Variants in KIAA0825 observed in about 807,000 individuals in gnomAD.
KIAA0825 encodes the protein uncharacterized protein KIAA0825.
Under a neutral mutation model 147.6 loss-of-function variants are expected in KIAA0825, and 119 were observed. The ratio of observed to expected loss-of-function variants is 0.81; its 90% confidence interval spans 0.69 to 0.94. KIAA0825 has a LOEUF of 0.94. Among genes scored for constraint, KIAA0825 ranks in the 40% least tolerant of loss-of-function variants. KIAA0825 has a pLI of 0.00. For synonymous variants in KIAA0825, 470 were observed against 518.1 expected (o/e 0.91, Z 1.26); for missense variants, 1,381 against 1,472.7 (o/e 0.94, Z 1.02).
intron 1 of KIAA0825, among the ~76,000 whole-genome samples, chr5:94,603,720 G>A (rs183439374): frequency 2.0e-5 from 3 of 152,302 alleles, no homozygotes; most frequent in East Asian, 3.9e-4. Flanking sequence ...AAAATAAAGG[G>A]ATGGAGAGAA....
intron 20 of KIAA0825, among the ~76,000 whole-genome samples, chr5:94,282,709 T>C (rs1422205825): frequency 6.6e-6 from 1 of 152,096 alleles, no homozygotes; most frequent in Non-Finnish European, 1.5e-5. Context: ...TTTCTGCTGG[T>C]TACTTAACAA....
chr5:94,592,827 TATTTGTCC>T, intron 1 of KIAA0825: 1 of 503,702 alleles, frequency 2.0e-6, no homozygotes, highest in South Asian at 2.0e-5. Context: ...GGCTAAGAGC[TATTTGTCC>T]ATTCTCCTGG....
At chr5:94,332,053 T>C (rs1051623699) in intron 20 of KIAA0825, among the ~76,000 whole-genome samples, 5 of 151,272 alleles carry the variant, frequency 3.3e-5, no homozygotes, top group African/African-American at 1.2e-4. Flanking sequence ...TCCCAGCTAC[T>C]TGGGAGGCTG....
chr5:94,160,116 T>G (rs1052008297), intron 20 of KIAA0825, among the ~76,000 whole-genome samples: 1 of 152,086 alleles, frequency 6.6e-6, no homozygotes, highest in African/African-American at 2.4e-5. Context: ...GGGAAAGTAA[T>G]GTCTCTGTTA....
chr5:94,163,469 A>G (rs1206462945), intron 20 of KIAA0825, among the ~76,000 whole-genome samples: 2 of 152,006 alleles, frequency 1.3e-5, no homozygotes, highest in African/African-American at 4.8e-5. Flanking sequence ...CTGGTTGTTG[A>G]TTGCCTTGCT....
intron 5 of KIAA0825, among the ~76,000 whole-genome samples, chr5:94,504,999 G>A (rs930461106): frequency 2.0e-5 from 3 of 151,488 alleles, no homozygotes; most frequent in African/African-American, 4.8e-5. Flanking sequence ...ACCCTCCTCG[G>A]CCTCCCAAAG....
chr5:94,363,728 C>A (rs1468323616), intron 20 of KIAA0825, among the ~76,000 whole-genome samples: 1 of 151,902 alleles, frequency 6.6e-6, no homozygotes, highest in Non-Finnish European at 1.5e-5. Context: ...ACTAACCAGG[C>A]ATGGTGGCTC....
intron 16 of KIAA0825, among the ~76,000 whole-genome samples, chr5:94,397,062 G>A (rs529046640): frequency 6.6e-6 from 1 of 151,954 alleles, no homozygotes; most frequent in African/African-American, 2.4e-5. Context: ...CTCTTTTGGG[G>A]ATCCCCATTT....
At chr5:94,404,723 T>C (rs573889072) in intron 15 of KIAA0825, among the ~76,000 whole-genome samples, 17 of 152,226 alleles carry the variant, frequency 1.1e-4, no homozygotes, top group Non-Finnish European at 2.1e-4. Flanking sequence ...TTATTGTAGT[T>C]TATTTCCATT....
chr5:94,174,106 T>C (rs1240380288), intron 20 of KIAA0825, among the ~76,000 whole-genome samples: 1 of 152,218 alleles, frequency 6.6e-6, no homozygotes, highest in African/African-American at 2.4e-5. Context: ...AAATCACCAC[T>C]GCACTGTGGG....
At chr5:94,333,342 G>C (rs927358864) in intron 20 of KIAA0825, among the ~76,000 whole-genome samples, 22 of 152,108 alleles carry the variant, frequency 1.4e-4, no homozygotes, top group African/African-American at 5.3e-4. Flanking sequence ...TTTTCTTCTA[G>C]GGTTTTTCTC....
intron 2 of KIAA0825, chr5:94,569,562 A>C: frequency 2.5e-6 from 1 of 405,856 alleles, no homozygotes; most frequent in Non-Finnish European, 4.5e-6. Context: ...CGCAAAACCA[A>C]CTCGTTAATA....
intron 20 of KIAA0825, among the ~76,000 whole-genome samples, chr5:94,285,568 A>T (rs1207720217): frequency 6.6e-6 from 1 of 152,184 alleles, no homozygotes; most frequent in East Asian, 1.9e-4. Flanking sequence ...GAGACAAGCA[A>T]TTGGACTTTC....
rs1761009081 is a variant in KIAA0825, at chr5:94,469,887, T to C, written c.1872+74A>G. The C allele has an allele frequency of 2.4e-6, 3 of 1,240,272 alleles. No individual in the cohort carries two copies. The Admixed American group carries it at 8.5e-5, about 35-fold the overall frequency. 76.8% of individuals were successfully genotyped at this position (1,240,272 alleles called of 1,614,324 possible). A position where few individuals can be genotyped will look rare whatever the true frequency, so the allele number is the denominator to read the frequency against. On this transcript the variant is annotated intron_variant, in intron 10 of 20. Coordinates refer to ENST00000682413, the MANE Select transcript of KIAA0825 (RefSeq NM_001145678.3). ...ATTAGTAATGCCAAGCTCATGTTTC[T>C]AATTAGCCAGAAAGCAGGTACGCAG...
chr5:94,359,302 G>T (rs1744733193), intron 20 of KIAA0825, among the ~76,000 whole-genome samples: 2 of 152,048 alleles, frequency 1.3e-5, no homozygotes, highest in South Asian at 2.1e-4. Context: ...TTCAACTAAG[G>T]CTAAGTACCA....
intron 20 of KIAA0825, among the ~76,000 whole-genome samples, chr5:94,325,787 G>C (rs1446677798): frequency 6.6e-6 from 1 of 151,846 alleles, no homozygotes; most frequent in Non-Finnish European, 1.5e-5. Flanking sequence ...ATATACAGCA[G>C]GTTACTTGTT....
Position 94,165,671 on chromosome 5 carries a change from TA to T in KIAA0825, c.3711-11548del, listed in dbSNP as rs549479135. On this transcript the variant is annotated intron_variant, in intron 20 of 20. Transcript: ENST00000682413. ...TACACAATGGAGTAATATTTGACCATAAAAAAGAATGAGATCCTGTCATTTG... is the reference window on the plus strand; with the variant it reads ...TACACAATGGAGTAATATTTGACCATAAAAAGAATGAGATCCTGTCATTTG... Among the ~76,000 whole-genome samples the T allele has an allele frequency of 1.1e-3, 171 of 152,118 alleles. 1 individual carries two copies. The highest frequency in any genetic ancestry group is 3.6e-3 in the African/African-American group (150 of 41,508).
chr5:94,483,899 C>T (rs565963378), intron 6 of KIAA0825, among the ~76,000 whole-genome samples: 3 of 151,524 alleles, frequency 2.0e-5, no homozygotes, highest in South Asian at 4.2e-4. Context: ...TTGTTAATCA[C>T]TTGCTTCCTT....
At chr5:94,304,026 T>G (rs779611790) in intron 20 of KIAA0825, among the ~76,000 whole-genome samples, 4 of 152,118 alleles carry the variant, frequency 2.6e-5, no homozygotes, top group Admixed American at 6.6e-5. Flanking sequence ...ACTCAGAAGA[T>G]GCACATCTGT....
Sources: gnomAD v4.1 joint callset for allele counts (sites outside exome capture counted in the v4.1 genomes callset) on GRCh38, gnomAD v4.1.1 for gene constraint, MANE v1.5 for transcripts, NCBI Gene and HGNC (gene_info 2026-07-23, HGNC 2026-07-21) for gene names.